The following NHSL2 variants were observed in gnomAD, a reference collection of about 807,000 sequenced individuals.
NHSL2 encodes NHS-like protein 2.
In NHSL2, 27 loss-of-function variants were observed where a neutral mutation model predicts 53.4. That is an observed-to-expected ratio of 0.51 (90% confidence interval 0.37 to 0.70). The LOEUF (loss-of-function observed/expected upper bound fraction) is 0.70. Ranked by LOEUF, NHSL2 falls within the 30% of genes least tolerant of loss-of-function variation. The probability of loss-of-function intolerance (pLI) is 0.00; values close to 1 mark genes in which losing one functional copy is unlikely to be tolerated. For missense variants in NHSL2, 892 were observed against 980.1 expected (o/e 0.91, Z 1.20); for synonymous variants, 408 against 404.1 (o/e 1.01, Z -0.12).
chrX:72,116,120 A>G (rs2042136909), intron 1 of NHSL2, among the ~76,000 whole-genome samples: 1 of 111,871 alleles, frequency 8.9e-6, no homozygotes, highest in Non-Finnish European at 1.9e-5. Context: ...TCAGTGTCTC[A>G]ATTTCTTCAT....
intron 1 of NHSL2, among the ~76,000 whole-genome samples, chrX:71,922,327 C>T (rs2041663604): frequency 9.0e-6 from 1 of 111,396 alleles, no homozygotes; most frequent in African/African-American, 3.3e-5. Context: ...CTGAGACATC[C>T]ACTTATGTGA....
chrX:71,913,092 G>A (rs1000338728), intron 1 of NHSL2, among the ~76,000 whole-genome samples: 2 of 111,755 alleles, frequency 1.8e-5, no homozygotes, highest in Non-Finnish European at 3.8e-5. Flanking sequence ...AGGAAGAGTG[G>A]CCATCTCTCA....
rs746804216 is a variant in NHSL2 at position 72,132,280 on chromosome X, G to C, written c.436+46G>C. The C allele has an allele frequency of 7.3e-6, 8 of 1,090,477 alleles. No homozygotes were observed. In the East Asian group the frequency reaches 2.8e-4, roughly 38 times the overall value. 89.9% of individuals were successfully genotyped at this position (1,090,477 alleles called of 1,213,427 possible). ...TGCGGCCGGAGCCCAGAAGCGAGATGCGCAGCGGCAGGAGGGAGGCAAAGA... is the reference window on the plus strand; with the variant it reads ...TGCGGCCGGAGCCCAGAAGCGAGATCCGCAGCGGCAGGAGGGAGGCAAAGA... On this transcript the variant is annotated intron_variant, in intron 2 of 7. Transcript: ENST00000633930.
At chrX:72,086,681 C>T (rs2041848373) in intron 1 of NHSL2, among the ~76,000 whole-genome samples, 1 of 45,768 alleles carries the variant, frequency 2.2e-5, no homozygotes, top group Non-Finnish European at 3.5e-5. Flanking sequence ...GAAACTCCAT[C>T]TCAAAAAAAA....
chrX:72,004,982 C>G (rs2042088052), intron 1 of NHSL2, among the ~76,000 whole-genome samples: 1 of 111,558 alleles, frequency 9.0e-6, no homozygotes, highest in African/African-American at 3.3e-5. Context: ...TAGCCTCCAT[C>G]TCAGGATCAC....
chrX:71,966,480 G>A, intron 1 of NHSL2, among the ~76,000 whole-genome samples: 1 of 111,607 alleles, frequency 9.0e-6, no homozygotes, highest in Non-Finnish European at 1.9e-5. Flanking sequence ...TTTCTAGTTT[G>A]CTAAGAGTTT....
chrX:72,075,542 T>C (rs1399588330), intron 1 of NHSL2, among the ~76,000 whole-genome samples: 4 of 112,044 alleles, frequency 3.6e-5, no homozygotes, highest in South Asian at 3.7e-4. Context: ...GAAAATGTTG[T>C]GGGTTTTTCT....
At chrX:72,032,781 C>T (rs747430986) in intron 1 of NHSL2, among the ~76,000 whole-genome samples, 35 of 111,666 alleles carry the variant, frequency 3.1e-4, no homozygotes, top group African/African-American at 1.1e-3. Flanking sequence ...ATTGCATGAG[C>T]CGTGGTGTCA....
chrX:72,037,441 A>T (rs1757019650), intron 1 of NHSL2, among the ~76,000 whole-genome samples: 1 of 111,038 alleles, frequency 9.0e-6, no homozygotes, highest in African/African-American at 3.3e-5. Context: ...AAGAAAAAAA[A>T]ACATGTAGGA....
chrX:72,057,030 A>T (rs1485164952), intron 1 of NHSL2, among the ~76,000 whole-genome samples: 2 of 112,608 alleles, frequency 1.8e-5, no homozygotes, highest in Non-Finnish European at 3.8e-5. Flanking sequence ...TTGGGAACCC[A>T]GGCTGGAGCA....
intron 1 of NHSL2, among the ~76,000 whole-genome samples, chrX:72,102,166 C>T (rs2147463216): frequency 8.9e-6 from 1 of 112,446 alleles, no homozygotes; most frequent in South Asian, 3.6e-4. Context: ...TGTTGTACCT[C>T]CTCAGGGCTC....
At chrX:72,035,008 T>G (rs1189555936) in intron 1 of NHSL2, among the ~76,000 whole-genome samples, 2 of 112,143 alleles carry the variant, frequency 1.8e-5, no homozygotes, top group African/African-American at 6.5e-5. Context: ...GAAGCCTTTC[T>G]TCTTTTCTAA....
At position 72,139,393 on chromosome X, in the gene NHSL2, A is replaced by G; in HGVS notation, c.1845A>G (p.Pro615=). ...ATCAAGGACATCACTCGTCCCACCC[A>G]GATGCTCAGGGTCACCCAGCTATTC... The part of the protein sequence containing the change: ...LEHQGHHSSH[P]DAQGHPAIPN... The change falls in exon 6 of 8, where the codon CCA becomes CCG. Residue 615 remains proline, a synonymous_variant. Transcript: ENST00000633930. 8.3e-7 allele frequency: 1 copy of G among 1,209,921 alleles called. No individual in the cohort carries two copies. The highest frequency in any genetic ancestry group is 1.8e-5 in the South Asian group (1 of 56,841).
At chrX:72,118,683 C>T (rs1489743367) in intron 1 of NHSL2, among the ~76,000 whole-genome samples, 2 of 111,974 alleles carry the variant, frequency 1.8e-5, no homozygotes, top group Admixed American at 1.9e-4. Context: ...ATGTCAGCCT[C>T]CCAAAGTGTT....
At chrX:71,990,125 C>T (rs892456321) in intron 1 of NHSL2, among the ~76,000 whole-genome samples, 7 of 111,343 alleles carry the variant, frequency 6.3e-5, no homozygotes, top group Non-Finnish European at 1.1e-4. Flanking sequence ...AAAAAGAGTT[C>T]GGGGGCGGAG....
intron 1 of NHSL2, among the ~76,000 whole-genome samples, chrX:72,033,331 C>T (rs962239285): frequency 4.5e-5 from 5 of 110,529 alleles, no homozygotes; most frequent in Admixed American, 9.5e-5. Flanking sequence ...GGGCTACAGG[C>T]GCACGCCACC....
rs1402544768 is a variant in NHSL2, at chrX:72,152,927, C to T, written c.*9353C>T. 1 of 112,109 alleles carries T rather than the reference C, an allele frequency of 8.9e-6. No homozygotes were observed. Among genetic ancestry groups the T allele is most frequent in the Non-Finnish European group, 1.9e-5 (1 of 53,259 alleles). 9.2% of individuals were successfully genotyped at this position (112,109 alleles called of 1,213,427 possible). A position where few individuals can be genotyped will look rare whatever the true frequency, so the allele number is the denominator to read the frequency against. ...TGGACTTTTGTTAAGTTAGCCCTTA[C>T]CATTTAGTGCTTACTGAATGCCAAC... is the stretch of plus-strand genomic sequence containing the variant. On this transcript the variant is annotated 3_prime_UTR_variant, in exon 8 of 8. Coordinates refer to ENST00000633930, the MANE Select transcript of NHSL2 (RefSeq NM_001013627.3).
intron 1 of NHSL2, among the ~76,000 whole-genome samples, chrX:71,979,195 A>G (rs1333556256): frequency 1.8e-5 from 2 of 110,300 alleles, no homozygotes; most frequent in East Asian, 5.7e-4. Context: ...AGTCTTTGCT[A>G]TTGTGAATAG....
chrX:71,940,655 G>A (rs1447220772), intron 1 of NHSL2, among the ~76,000 whole-genome samples: 12 of 110,082 alleles, frequency 1.1e-4, no homozygotes, highest in Non-Finnish European at 2.1e-4. Context: ...AAGTATGGAT[G>A]TGGTGAGTGA....
Sources: allele counts gnomAD v4.1 joint callset (sites outside exome capture counted in the v4.1 genomes callset), GRCh38; gene constraint gnomAD v4.1.1; transcripts MANE v1.5; gene names NCBI Gene and HGNC (gene_info 2026-07-23, HGNC 2026-07-21).